Variants in NAP1L1 observed in about 807,000 individuals in gnomAD.
NAP1L1 encodes nucleosome assembly protein 1 like 1.
NAP1L1 carries 9 observed loss-of-function variants against 58.9 expected under a neutral mutation model. The ratio of observed to expected loss-of-function variants is 0.15; its 90% CI spans 0.09 to 0.27. The LOEUF (loss-of-function observed/expected upper bound fraction) is 0.27. NAP1L1 is among the 10% of genes least tolerant of loss of function. The pLI is 1.00. For synonymous variants in NAP1L1, 130 were observed against 138.3 expected (o/e 0.94, Z 0.42); for missense variants, 302 against 458.8 (o/e 0.66, Z 3.12).
chr12:76,057,870 T>A, intron 6 of NAP1L1: 1 of 1,467,366 alleles, frequency 6.8e-7, no homozygotes, highest in Non-Finnish European at 9.4e-7. Flanking sequence ...ACAAAGACGG[T>A]ACCACAAAAG....
intron 11 of NAP1L1, among the ~76,000 whole-genome samples, chr12:76,052,523 A>T (rs907525468): frequency 2.0e-5 from 3 of 152,188 alleles, no homozygotes; most frequent in African/African-American, 7.2e-5. Context: ...ATATGTACAA[A>T]CTATTTAAAC....
At chr12:76,052,640 T>G (rs1948897133) in intron 11 of NAP1L1, among the ~76,000 whole-genome samples, 1 of 152,238 alleles carries the variant, frequency 6.6e-6, no homozygotes. Context: ...GTTCCTCAGT[T>G]CAGTCTATAT....
At chr12:76,083,415 C>T (rs1413806476) in intron 1 of NAP1L1, among the ~76,000 whole-genome samples, 1 of 140,016 alleles carries the variant, frequency 7.1e-6, no homozygotes, top group Non-Finnish European at 1.5e-5. Flanking sequence ...CTGGGCCACA[C>T]TAGAACTGTC....
At position 76,046,515 on chromosome 12, in the gene NAP1L1, T is replaced by C. The variant is rs1565709109; in HGVS notation, c.*1914A>G. The C allele has an allele frequency of 1.3e-5, 2 of 152,070 alleles. No individual in the cohort carries two copies. Among genetic ancestry groups the C allele is most frequent in the African/African-American group, 4.8e-5 (2 of 41,342 alleles). The allele number at this position is 152,070 out of a possible 1,614,324, so 9.4% of individuals were successfully genotyped here. On this transcript the variant is annotated 3_prime_UTR_variant, in exon 15 of 15. Transcript: ENST00000618691. The stretch of plus-strand genomic sequence containing the variant: ...AAAAAAAAAAGCACATAGTGTCTAA[T>C]CAAAGCAAAGGAAATCATTTTGAAA...
chr12:76,067,503 G>T, intron 3 of NAP1L1, 30 bp from the exon 4 acceptor site: 1 of 1,531,058 alleles, frequency 6.5e-7, no homozygotes, highest in Non-Finnish European at 8.9e-7. Flanking sequence ...TCGAAAGAAG[G>T]ATTTTATGAA....
Position 76,049,762 on chromosome 12 carries a change from C to A in NAP1L1, c.1083G>T (p.Ala361=), listed in dbSNP as rs187127328. The change falls in exon 13 of 15, where the codon GCG becomes GCT. Residue 361 remains alanine (A), a synonymous_variant. Transcript: ENST00000618691. ...DDDYDEEGEE[A]DEEGEEEGDE... is the part of the protein sequence containing the mutation. The stretch of plus-strand genomic sequence containing the variant: ...CTCATTTGGTAAACATTACCTCATC[C>A]GCTTCTTCACCTTCTTCATCATACT... The A allele has an allele frequency of 1.7e-5, 28 of 1,612,744 alleles. No homozygotes were observed. The South Asian group carries it at 1.9e-4, about 11-fold the overall frequency.
At position 76,053,874 on chromosome 12, in the gene NAP1L1, T is replaced by G; in HGVS notation, c.666A>C (p.Glu222Asp). 1 of 1,594,628 alleles carries G rather than the reference T, an allele frequency of 6.3e-7. No homozygotes were observed. Among genetic ancestry groups the G allele is most frequent in the Non-Finnish European group, 8.5e-7 (1 of 1,175,244 alleles). ...TTGTCAGCACTTCATTTGTAAAATA[T>G]TCATTGGGTTCAAAGTGAAATTCTA... ...FVLEFHFEPN[E>D]YFTNEVLTKT... Residue 222 changes from glutamate (E) to aspartate (D), a missense_variant, in exon 9 of 15, where the codon GAA becomes GAC. Transcript: ENST00000618691.
chr12:76,058,151 G>C, intron 6 of NAP1L1: 3 of 657,310 alleles, frequency 4.6e-6, no homozygotes, highest in Non-Finnish European at 5.8e-6. Flanking sequence ...TGTAGTTAAT[G>C]GCCTGAACTG....
chr12:76,075,928 C>T (rs951837436), intron 1 of NAP1L1, among the ~76,000 whole-genome samples: 1 of 152,034 alleles, frequency 6.6e-6, no homozygotes, highest in Non-Finnish European at 1.5e-5. Flanking sequence ...CTTTGGGAGG[C>T]CGAAGCAGAA....
At chr12:76,060,354 A>T in intron 4 of NAP1L1, 75 bp from the exon 5 acceptor site, 1 of 1,473,480 alleles carries the variant, frequency 6.8e-7, no homozygotes, top group South Asian at 1.3e-5. Flanking sequence ...ACTGAAACTG[A>T]AGCATTGGAG....
chr12:76,060,130 A>G lies in NAP1L1; in HGVS notation c.348+8T>C, dbSNP rs201512157. 204 of 1,607,808 alleles carry G rather than the reference A, an allele frequency of 1.3e-4. 1 individual carries two copies. Among genetic ancestry groups the G allele is most frequent in the Admixed American group, 1.7e-4 (10 of 58,984 alleles). On this transcript the variant is annotated splice_region_variant and intron_variant, in intron 5 of 14. Coordinates refer to ENST00000618691, the MANE Select transcript of NAP1L1 (RefSeq NM_004537.7). ...TGTTAAATTAAACAAAGTAGGAGAA[A>G]GCATTACCTTATCAAATAGAGGCTG...
intron 2 of NAP1L1, among the ~76,000 whole-genome samples, chr12:76,069,749 A>T (rs1266052484): frequency 6.6e-6 from 1 of 152,210 alleles, no homozygotes; most frequent in Non-Finnish European, 1.5e-5. Context: ...TCTTGTTTAG[A>T]ACAAAGCCAA....
At chr12:76,069,470 T>A (rs984518858) in intron 2 of NAP1L1, among the ~76,000 whole-genome samples, 1 of 152,200 alleles carries the variant, frequency 6.6e-6, no homozygotes, top group African/African-American at 2.4e-5. Flanking sequence ...GGATGGTAGA[T>A]AGCTGGGAAG....
rs1023048480 is a variant in NAP1L1 at position 76,038,670 on chromosome 12, G to A, written c.*9759C>T. 2.6e-5 allele frequency: 4 copies of A among 152,080 alleles called. No homozygotes were observed. The highest frequency in any genetic ancestry group is 5.9e-5 in the Non-Finnish European group (4 of 68,016). The allele number at this position is 152,080 out of a possible 1,614,324, so 9.4% of individuals were successfully genotyped here. A position where few individuals can be genotyped will look rare whatever the true frequency, so the allele number is the denominator to read the frequency against. On this transcript the variant is annotated 3_prime_UTR_variant, in exon 15 of 15. Transcript: ENST00000618691. ...TAAAAGGGATAAAAGAATTCTGTGG[G>A]GTAGCCAGACTCAGAAAGGTGGAAT...
Position 76,058,111 on chromosome 12 carries a change from T to C in NAP1L1, c.429+1687A>G, listed in dbSNP as rs1949208669. ...GTAGATGATGACAGCATCGAAGATC[T>C]TGGAGAAGAAGTGAATTTGAAAATT... On this transcript the variant is annotated intron_variant, in intron 6 of 14. Transcript: ENST00000618691. 4.1e-6 allele frequency: 3 copies of C among 735,802 alleles called. 1 individual carries two copies. The highest frequency in any genetic ancestry group is 7.7e-6 in the Non-Finnish European group (3 of 390,930). 45.6% of individuals were successfully genotyped at this position (735,802 alleles called of 1,614,324 possible).
chr12:76,079,646 C>CA (rs1950324863), intron 1 of NAP1L1, among the ~76,000 whole-genome samples: 1 of 149,830 alleles, frequency 6.7e-6, no homozygotes, highest in Non-Finnish European at 1.5e-5. Flanking sequence ...TATAAGATCT[C>CA]AAAAGACATA....
chr12:76,064,078 A>G (rs1367193915), intron 4 of NAP1L1, among the ~76,000 whole-genome samples: 1 of 152,058 alleles, frequency 6.6e-6, no homozygotes, highest in African/African-American at 2.4e-5. Flanking sequence ...CTGAGGTGGG[A>G]GGATCACAGT....
intron 1 of NAP1L1, among the ~76,000 whole-genome samples, chr12:76,079,404 G>A (rs983375291): frequency 1.8e-4 from 28 of 152,088 alleles, no homozygotes; most frequent in African/African-American, 6.5e-4. Flanking sequence ...GGAGACTGAG[G>A]CAGGAAGATC....
chr12:76,056,457 G>A, intron 6 of NAP1L1: 1 of 350,832 alleles, frequency 2.9e-6, no homozygotes, highest in Non-Finnish European at 5.5e-6. Flanking sequence ...AACAAGAAAA[G>A]CAACAGAAAT....
Sources: allele counts gnomAD v4.1 joint callset (sites outside exome capture counted in the v4.1 genomes callset), GRCh38; gene constraint gnomAD v4.1.1; transcripts MANE v1.5; gene names NCBI Gene and HGNC (gene_info 2026-07-23, HGNC 2026-07-21).